Variants in ALDOB observed in about 807,000 individuals in gnomAD.
ALDOB encodes aldolase, fructose-bisphosphate B, also known as fructose-bisphosphate aldolase B.
Under a neutral mutation model 41.0 loss-of-function variants are expected in ALDOB, and 39 were observed. The observed-to-expected ratio is 0.95, with a 90% CI of 0.74 to 1.24. ALDOB has a LOEUF of 1.24. ALDOB is among the 50% of genes most tolerant of loss of function. ALDOB has a pLI of 0.00. For missense variants in ALDOB, 530 were observed against 457.3 expected (o/e 1.16, Z -1.45); for synonymous variants, 175 against 168.8 (o/e 1.04, Z -0.28).
intron 8 of ALDOB, 114 bp downstream of exon 8, chr9:101,424,729 A>T: frequency 7.9e-7 from 1 of 1,266,820 alleles, no homozygotes; most frequent in Non-Finnish European, 1.2e-6. Flanking sequence ...AATGCCTAAT[A>T]GACACTATCG....
At chr9:101,428,312 A>T (rs2118357837) in intron 4 of ALDOB, among the ~76,000 whole-genome samples, 157 bp downstream of exon 4, 1 of 152,332 alleles carries the variant, frequency 6.6e-6, no homozygotes, top group Admixed American at 6.5e-5. Flanking sequence ...GCCCAAGGTC[A>T]CAGTTGTTAA....
intron 6 of ALDOB, 143 bp from the exon 7 acceptor site, chr9:101,425,770 C>T: frequency 1.2e-6 from 1 of 844,304 alleles, no homozygotes; most frequent in Non-Finnish European, 1.9e-6. Context: ...ATCTCCAGGC[C>T]TCATTAGACC....
At chr9:101,429,564 G>A (rs1831183779) in intron 3 of ALDOB, among the ~76,000 whole-genome samples, 191 bp downstream of exon 3, 1 of 152,252 alleles carries the variant, frequency 6.6e-6, no homozygotes, top group Middle Eastern at 3.4e-3. Flanking sequence ...TAGAAAATTT[G>A]AGTGAAAGAA....
In ALDOB at chr9:101,430,000, C is replaced by T. The variant is rs184727997; in HGVS notation, c.113-34G>A. On this transcript the variant is annotated intron_variant, in intron 2 of 8. Coordinates refer to ENST00000647789, the MANE Select transcript of ALDOB (RefSeq NM_000035.4). The stretch of plus-strand genomic sequence containing the variant: ...GGAGGGCCAAGGGCAGCATAAGGAG[C>T]AAGCCAGGGCTTTCCTGTCACCCTT... The T allele has an allele frequency of 1.1e-5, 18 of 1,578,668 alleles. No homozygotes were observed. In the Admixed American group the frequency reaches 3.0e-4, roughly 26 times the overall value.
At chr9:101,421,949 A>AC (rs971206702) in intron 8 of ALDOB, 45 bp from the exon 9 acceptor site, 1 of 1,522,318 alleles carries the variant, frequency 6.6e-7, no homozygotes, top group Non-Finnish European at 9.1e-7. Flanking sequence ...AGTAAATGTG[A>AC]CCCCACCTTG....
In ALDOB at chr9:101,421,669, C is replaced by T; in HGVS notation, c.*140G>A. On this transcript the variant is annotated 3_prime_UTR_variant, in exon 9 of 9. Coordinates refer to ENST00000647789, the MANE Select transcript of ALDOB (RefSeq NM_000035.4). ...TCAATAACTGATTTATTTTTTCCCC[C>T]TTGTACTTAAGATTTAACATGTGTT... 2 of 754,428 alleles carry T rather than the reference C, an allele frequency of 2.7e-6. No homozygotes were observed. The highest frequency in any genetic ancestry group is 4.8e-6 in the Non-Finnish European group (2 of 420,010). The allele number at this position is 754,428 out of a possible 1,614,324, so 46.7% of individuals were successfully genotyped here.
rs1831147687 is a variant in ALDOB, at chr9:101,427,468, G to A, written c.540+14C>T. The A allele has an allele frequency of 1.2e-6, 2 of 1,613,978 alleles. No homozygotes were observed. Among genetic ancestry groups the A allele is most frequent in the South Asian group, 1.1e-5 (1 of 91,072 alleles). ...TAGCCTACTCTTTTTCAGCCCAAGG[G>A]GAAGGCAGAGCACCTGCTGACAGAT... On this transcript the variant is annotated intron_variant, in intron 5 of 8. Coordinates refer to ENST00000647789, the MANE Select transcript of ALDOB (RefSeq NM_000035.4).
At chr9:101,428,427 G>GCTTACA (rs1345803545) in intron 4 of ALDOB, 42 bp downstream of exon 4, 6 of 1,572,986 alleles carry the variant, frequency 3.8e-6, no homozygotes, top group Non-Finnish European at 4.4e-6. Flanking sequence ...TTCATTTCTA[G>GCTTACA]CTTACACTGG....
intron 1 of ALDOB, among the ~76,000 whole-genome samples, chr9:101,434,316 T>C (rs1831260461): frequency 6.6e-6 from 1 of 152,228 alleles, no homozygotes; most frequent in Non-Finnish European, 1.5e-5. Context: ...AGTTACATCC[T>C]ATTGGCTTAT....
intron 2 of ALDOB, 139 bp downstream of exon 2, chr9:101,430,637 T>C: frequency 1.4e-6 from 1 of 717,132 alleles, no homozygotes; most frequent in South Asian, 1.6e-5. Context: ...TCAAAAGCTC[T>C]ACGCTTACTG....
chr9:101,425,847 C>T (rs1217201167), intron 6 of ALDOB, among the ~76,000 whole-genome samples: 1 of 152,228 alleles, frequency 6.6e-6, no homozygotes, highest in Non-Finnish European at 1.5e-5. Flanking sequence ...CCTAATCTAG[C>T]TTCTCATTCA....
At chr9:101,425,331 G>T in intron 7 of ALDOB, 122 bp downstream of exon 7, 1 of 1,207,446 alleles carries the variant, frequency 8.3e-7, no homozygotes, top group Non-Finnish European at 1.2e-6. Flanking sequence ...AGTGCTGGCT[G>T]CCTGTGAGAT....
intron 1 of ALDOB, among the ~76,000 whole-genome samples, chr9:101,435,203 CA>C (rs1301585109): frequency 6.6e-6 from 1 of 152,068 alleles, no homozygotes; most frequent in African/African-American, 2.4e-5. Flanking sequence ...AGGCGAAGGG[CA>C]AAATACTCCA....
In ALDOB at chr9:101,424,858, A is replaced by G. The variant is rs1269971420; in HGVS notation, c.984T>C (p.Phe328=). The change falls in exon 8 of 9, where the codon TTT becomes TTC. Residue 328 remains phenylalanine (F), a synonymous_variant. Transcript: ENST00000647789. ...AGCATCTTACCATGGCCCGCTTCAT[A>G]AAAGCCTCCTGGGTTGCCTCCTTGT... ...AANKEATQEA[F]MKRAMANCQA... is the part of the protein sequence containing the mutation. 1 of 1,613,130 alleles carries G rather than the reference A, an allele frequency of 6.2e-7. No homozygotes were observed. Among genetic ancestry groups the G allele is most frequent in the Admixed American group, 1.7e-5 (1 of 60,004 alleles).
intron 1 of ALDOB, among the ~76,000 whole-genome samples, chr9:101,432,991 C>A (rs1478625923): frequency 6.6e-6 from 1 of 152,182 alleles, no homozygotes; most frequent in Non-Finnish European, 1.5e-5. Context: ...ACCAGCTCTG[C>A]CTAATCTAGC....
intron 6 of ALDOB, among the ~76,000 whole-genome samples, chr9:101,426,054 C>G (rs1449495710): frequency 6.6e-6 from 1 of 152,122 alleles, no homozygotes; most frequent in Non-Finnish European, 1.5e-5. Context: ...TGGAAGTGCT[C>G]TTAGATTGCA....
chr9:101,422,388 G>A (rs1354722228), intron 8 of ALDOB, among the ~76,000 whole-genome samples: 1 of 152,212 alleles, frequency 6.6e-6, no homozygotes, highest in Non-Finnish European at 1.5e-5. Context: ...ATATTTGAAT[G>A]TCACTCAGTG....
chr9:101,430,644 ACT>A, intron 2 of ALDOB, 130 bp downstream of exon 2: 1 of 736,158 alleles, frequency 1.4e-6, no homozygotes, highest in Non-Finnish European at 2.4e-6. Context: ...CTCTACGCTT[ACT>A]GAGTCTTCTG....
At chr9:101,428,693 A>G (rs1048310109) in intron 3 of ALDOB, among the ~76,000 whole-genome samples, 170 bp from the exon 4 acceptor site, 1 of 152,236 alleles carries the variant, frequency 6.6e-6, no homozygotes, top group African/African-American at 2.4e-5. Context: ...CCTAGAAGGT[A>G]CACTGTGAGA....
Sources: gnomAD v4.1 joint callset for allele counts (sites outside exome capture counted in the v4.1 genomes callset) on GRCh38, gnomAD v4.1.1 for gene constraint, MANE v1.5 for transcripts, NCBI Gene and HGNC (gene_info 2026-07-23, HGNC 2026-07-21) for gene names.